COLGALT2: variants seen among roughly 807,000 people sequenced by gnomAD.
The protein encoded by COLGALT2 is collagen beta(1-O)galactosyltransferase 2, also known as procollagen galactosyltransferase 2.
Under a neutral mutation model 73.4 loss-of-function variants are expected in COLGALT2, and 49 were observed. That is an observed-to-expected ratio of 0.67 (90% confidence interval 0.53 to 0.85). The LOEUF (loss-of-function observed/expected upper bound fraction) is 0.85, where lower values mean the gene tolerates loss of function less well. Ranked by LOEUF, COLGALT2 falls within the 40% of genes least tolerant of loss-of-function variation. The probability of loss-of-function intolerance (pLI) is 0.00; values close to 1 mark genes in which losing one functional copy is unlikely to be tolerated. For synonymous variants in COLGALT2, 295 were observed against 307.6 expected (o/e 0.96, Z 0.43); for missense variants, 722 against 790.2 (o/e 0.91, Z 1.03).
At chr1:184,028,476 C>T (rs955957630) in intron 1 of COLGALT2, among the ~76,000 whole-genome samples, 1 of 152,206 alleles carries the variant, frequency 6.6e-6, no homozygotes, top group African/African-American at 2.4e-5. Context: ...TGGAAAGAAA[C>T]AGTCCTACTT....
chr1:183,939,166 G>A (rs2102786150), intron 11 of COLGALT2, 129 bp from the exon 12 acceptor site: 1 of 675,196 alleles, frequency 1.5e-6, no homozygotes, highest in Non-Finnish European at 2.5e-6. Flanking sequence ...TGTCATTTGT[G>A]AAAAACTTTA....
At chr1:183,979,395 C>T (rs1201356060) in intron 1 of COLGALT2, among the ~76,000 whole-genome samples, 2 of 151,748 alleles carry the variant, frequency 1.3e-5, no homozygotes. Flanking sequence ...ATTAAGATGA[C>T]AAAGAAGGAG....
chr1:183,950,878 C>T (rs983532696), intron 8 of COLGALT2, 129 bp downstream of exon 8: 8 of 656,698 alleles, frequency 1.2e-5, no homozygotes, highest in Middle Eastern at 2.6e-4. Flanking sequence ...TACAGGTGGC[C>T]GTTTTGAAAA....
At chr1:184,017,335 T>C (rs957401118) in intron 1 of COLGALT2, among the ~76,000 whole-genome samples, 1 of 152,244 alleles carries the variant, frequency 6.6e-6, no homozygotes, top group African/African-American at 2.4e-5. Flanking sequence ...AATTAAGTCA[T>C]TCACTTGAAA....
chr1:183,948,928 A>T (rs1670319725), intron 8 of COLGALT2, among the ~76,000 whole-genome samples: 1 of 152,184 alleles, frequency 6.6e-6, no homozygotes, highest in Non-Finnish European at 1.5e-5. Context: ...TTGTATTCTT[A>T]TTCATTTAGC....
intron 1 of COLGALT2, among the ~76,000 whole-genome samples, chr1:184,004,813 G>C (rs2102841821): frequency 6.6e-6 from 1 of 152,270 alleles, no homozygotes; most frequent in East Asian, 1.9e-4. Flanking sequence ...GAGTCACAGA[G>C]AGCACAGGGA....
rs1408386871 is a variant in COLGALT2, at chr1:183,945,610, C to T, written c.1137-46G>A. Reference sequence around the variant, plus strand: ...CTGGAGATTAACAAGTCAAAGGTCCCCACCACAAAGGCCAGAGAAAGAGAG... The same window carrying T: ...CTGGAGATTAACAAGTCAAAGGTCCTCACCACAAAGGCCAGAGAAAGAGAG... On this transcript the variant is annotated intron_variant, in intron 8 of 11. Coordinates refer to ENST00000361927, the MANE Select transcript of COLGALT2 (RefSeq NM_015101.4). 3 of 1,608,710 alleles carry T rather than the reference C, an allele frequency of 1.9e-6. No homozygotes were observed. The South Asian group carries it at 3.3e-5, about 18-fold the overall frequency.
chr1:183,992,041 G>C (rs781642301), intron 1 of COLGALT2, among the ~76,000 whole-genome samples: 22 of 152,122 alleles, frequency 1.4e-4, no homozygotes, highest in Admixed American at 5.2e-4. Flanking sequence ...CTTCTGCAGA[G>C]AGGGGAGCAG....
At position 184,037,083 on chromosome 1, in the gene COLGALT2, G is replaced by C. The variant is rs772233238; in HGVS notation, c.263+12C>G. ...GTCCCGCCGCGGCGGCCCGGGGCCC[G>C]TGCGCGCTCACCAGATGGCCATCCT... On this transcript the variant is annotated intron_variant, in intron 1 of 11. Transcript: ENST00000361927. 1 of 1,549,730 alleles carries C rather than the reference G, an allele frequency of 6.5e-7. No homozygotes were observed. The highest frequency in any genetic ancestry group is 2.7e-5 in the East Asian group (1 of 37,542).
At chr1:183,950,942 C>A (rs1670379034) in intron 8 of COLGALT2, 65 bp downstream of exon 8, 1 of 1,231,514 alleles carries the variant, frequency 8.1e-7, no homozygotes, top group Non-Finnish European at 1.2e-6. Context: ...GGGACTAACT[C>A]TCTGTCAGAG....
At chr1:184,007,339 C>T (rs1248006317) in intron 1 of COLGALT2, among the ~76,000 whole-genome samples, 1 of 152,154 alleles carries the variant, frequency 6.6e-6, no homozygotes, top group Non-Finnish European at 1.5e-5. Context: ...AGATAAACAT[C>T]TATGTCTCAA....
In COLGALT2 at chr1:184,037,635, G is replaced by A; in HGVS notation, c.-278C>T. On this transcript the variant is annotated 5_prime_UTR_variant, in exon 1 of 12. Coordinates refer to ENST00000361927, the MANE Select transcript of COLGALT2 (RefSeq NM_015101.4). ...GGGCTCGCAGACAGTAGTGGCCGAG[G>A]GGCTGTGTGCCCTGAGTCCTGAGGA... 9.5e-7 allele frequency: 1 copy of A among 1,051,162 alleles called. No homozygotes were observed. Among genetic ancestry groups the A allele is most frequent in the Non-Finnish European group, 1.1e-6 (1 of 873,480 alleles). The allele number at this position is 1,051,162 out of a possible 1,614,324, so 65.1% of individuals were successfully genotyped here. A position where few individuals can be genotyped will look rare whatever the true frequency, so the allele number is the denominator to read the frequency against.
At chr1:183,942,198 T>C (rs1402496305) in intron 10 of COLGALT2, among the ~76,000 whole-genome samples, 1 of 152,158 alleles carries the variant, frequency 6.6e-6, no homozygotes, top group African/African-American at 2.4e-5. Flanking sequence ...TCCACCCGCC[T>C]CGGCCTCCCA....
At chr1:183,994,629 A>G (rs1341341978) in intron 1 of COLGALT2, among the ~76,000 whole-genome samples, 1 of 151,884 alleles carries the variant, frequency 6.6e-6, no homozygotes, top group African/African-American at 2.4e-5. Context: ...CAATTTTTGT[A>G]TTTTTAGTAG....
chr1:184,035,547 C>G (rs1017846814), intron 1 of COLGALT2, among the ~76,000 whole-genome samples: 10 of 152,118 alleles, frequency 6.6e-5, no homozygotes, highest in African/African-American at 2.4e-4. Flanking sequence ...ATAGCATCCT[C>G]TTAAAAGTTT....
At chr1:184,014,451 C>A (rs1173404244) in intron 1 of COLGALT2, among the ~76,000 whole-genome samples, 1 of 152,074 alleles carries the variant, frequency 6.6e-6, no homozygotes, top group Non-Finnish European at 1.5e-5. Context: ...GTGATCTTGG[C>A]AAGGAAACTT....
chr1:183,954,083 C>T (rs1670485873), intron 7 of COLGALT2, among the ~76,000 whole-genome samples: 1 of 152,170 alleles, frequency 6.6e-6, no homozygotes, highest in East Asian at 1.9e-4. Flanking sequence ...CTACAGGGGA[C>T]ACCCATGAGA....
At chr1:184,016,536 G>A (rs939307372) in intron 1 of COLGALT2, among the ~76,000 whole-genome samples, 1 of 152,214 alleles carries the variant, frequency 6.6e-6, no homozygotes, top group African/African-American at 2.4e-5. Context: ...CACTCAAGTG[G>A]CATTGGGTGG....
downstream of COLGALT2, among the ~76,000 whole-genome samples, chr1:183,931,109 C>T (rs1371971341): frequency 6.6e-6 from 1 of 152,198 alleles, no homozygotes; most frequent in African/African-American, 2.4e-5. Context: ...GAGGCTGAGA[C>T]ACAGAACAGT....
Sources: gnomAD v4.1 joint callset for allele counts (sites outside exome capture counted in the v4.1 genomes callset) on GRCh38, gnomAD v4.1.1 for gene constraint, MANE v1.5 for transcripts, NCBI Gene and HGNC (gene_info 2026-07-23, HGNC 2026-07-21) for gene names.